Variants in ACSL5 observed in about 807,000 individuals in gnomAD.
ACSL5 encodes acyl-CoA synthetase long chain family member 5, also known as long-chain-fatty-acid--CoA ligase 5.
Under a neutral mutation model 84.9 loss-of-function variants are expected in ACSL5, and 50 were observed. The ratio of observed to expected loss-of-function variants is 0.59; its 90% CI spans 0.47 to 0.75. The LOEUF is 0.75. Ranked by LOEUF, ACSL5 falls within the 30% of genes least tolerant of loss-of-function variation. ACSL5 has a pLI of 0.00. For synonymous variants in ACSL5, 280 were observed against 300.7 expected (o/e 0.93, Z 0.71); for missense variants, 775 against 830.4 (o/e 0.93, Z 0.82).
chr10:112,383,889 G>A (rs1028364366), intron 1 of ACSL5, among the ~76,000 whole-genome samples: 2 of 151,504 alleles, frequency 1.3e-5, no homozygotes, highest in East Asian at 1.9e-4. Context: ...ACTACGCTAC[G>A]CCTCCCTAAT....
At chr10:112,412,023 G>T in intron 11 of ACSL5, 44 bp downstream of exon 11, 1 of 1,527,086 alleles carries the variant, frequency 6.5e-7, no homozygotes, top group South Asian at 1.1e-5. Context: ...AGGGGGTCCT[G>T]ACTTGCTATC....
At chr10:112,383,666 G>T (rs1849394582) in intron 1 of ACSL5, among the ~76,000 whole-genome samples, 2 of 152,222 alleles carry the variant, frequency 1.3e-5, no homozygotes, top group Admixed American at 6.5e-5. Flanking sequence ...TGTAGTTTTG[G>T]TAGCGGGAGA....
In ACSL5 at chr10:112,404,692, C is replaced by G. The variant is rs1264235949; in HGVS notation, c.331-13C>G. Reference sequence around the variant, plus strand: ...CTTCTCTCTCTCTCTCACCCCATCTCTCTTTTTTGTAGGTGTCTGATAGAG... The same window carrying G: ...CTTCTCTCTCTCTCTCACCCCATCTGTCTTTTTTGTAGGTGTCTGATAGAG... On this transcript the variant is annotated splice_polypyrimidine_tract_variant and intron_variant, in intron 4 of 20. Transcript: ENST00000354655. The G allele has an allele frequency of 1.2e-6, 2 of 1,612,314 alleles. No individual in the cohort carries two copies. Among genetic ancestry groups the G allele is most frequent in the Admixed American group, 3.3e-5 (2 of 59,954 alleles).
chr10:112,409,404 C>A, intron 6 of ACSL5, 103 bp from the exon 7 acceptor site: 3 of 968,962 alleles, frequency 3.1e-6, no homozygotes, highest in Non-Finnish European at 4.7e-6. Flanking sequence ...CTCCTTTGGA[C>A]ACCTGTTAGC....
At chr10:112,421,495 C>T in intron 14 of ACSL5, 98 bp from the exon 15 acceptor site, 1 of 1,082,666 alleles carries the variant, frequency 9.2e-7, no homozygotes, top group Admixed American at 1.8e-5. Flanking sequence ...TGGTCTCGAA[C>T]CCTTAGAGAC....
rs1184778242 is a variant in ACSL5, at chr10:112,421,664, A to G, written c.1386A>G (p.Ser462=). The G allele has an allele frequency of 3.1e-6, 5 of 1,613,334 alleles. No individual in the cohort carries two copies. The highest frequency in any genetic ancestry group is 3.4e-6 in the Non-Finnish European group (4 of 1,179,230). The change falls in exon 15 of 21, where the codon TCA becomes TCG. Residue 462 remains serine (S), a splice_region_variant and synonymous_variant. Coordinates refer to ENST00000354655, the MANE Select transcript of ACSL5 (RefSeq NM_203379.2). The part of the protein sequence containing the change: ...CTFTLPGDWT[S]GHVGVPLACN... ...TTACATTACCTGGGGACTGGACATC[A>G]GGTAAGTCCTCCATCTGCTGGGCAG...
chr10:112,390,773 A>C (rs763265446), intron 1 of ACSL5, among the ~76,000 whole-genome samples: 1 of 152,194 alleles, frequency 6.6e-6, no homozygotes, highest in Non-Finnish European at 1.5e-5. Flanking sequence ...CTACCCCATC[A>C]ATGAATCTTA....
chr10:112,378,174 A>G (rs532966140), intron 1 of ACSL5, among the ~76,000 whole-genome samples: 2 of 150,052 alleles, frequency 1.3e-5, no homozygotes, highest in Admixed American at 6.6e-5. Context: ...CCAGGGAAGT[A>G]CCAGTACACA....
At chr10:112,390,343 A>C (rs1250870240) in intron 1 of ACSL5, among the ~76,000 whole-genome samples, 1 of 152,214 alleles carries the variant, frequency 6.6e-6, no homozygotes, top group Non-Finnish European at 1.5e-5. Context: ...ACCATTTCAC[A>C]CCTACTAGAA....
At chr10:112,421,566 T>A in intron 14 of ACSL5, 27 bp from the exon 15 acceptor site, 1 of 1,607,964 alleles carries the variant, frequency 6.2e-7, no homozygotes, top group Non-Finnish European at 8.5e-7. Flanking sequence ...CTTGAGTAAG[T>A]CTAAAAGCTC....
At position 112,428,134 on chromosome 10, in the gene ACSL5, G is replaced by C. The variant is rs1450037324; in HGVS notation, c.*776G>C. The C allele has an allele frequency of 5.2e-5, 15 of 289,216 alleles. No individual in the cohort carries two copies. The highest frequency in any genetic ancestry group is 9.5e-5 in the Non-Finnish European group (15 of 157,198). The allele number at this position is 289,216 out of a possible 1,614,324, so 17.9% of individuals were successfully genotyped here. On this transcript the variant is annotated 3_prime_UTR_variant, in exon 21 of 21. Coordinates refer to ENST00000354655, the MANE Select transcript of ACSL5 (RefSeq NM_203379.2). ...TGAGCTGGAAGCTGTGGGGGAAGGAGTTGACAGGTGGGCCCAGTGAACTTT... is the reference window on the plus strand; with the variant it reads ...TGAGCTGGAAGCTGTGGGGGAAGGACTTGACAGGTGGGCCCAGTGAACTTT...
At chr10:112,425,050 A>G (rs1035378973) in intron 17 of ACSL5, 3 of 240,812 alleles carry the variant, frequency 1.2e-5, no homozygotes, top group African/African-American at 6.7e-5. Flanking sequence ...GAGCTGTGCA[A>G]TTTCTTCCTT....
intron 17 of ACSL5, among the ~76,000 whole-genome samples, chr10:112,423,478 T>C (rs1455667982): frequency 6.6e-6 from 1 of 151,504 alleles, no homozygotes; most frequent in Non-Finnish European, 1.5e-5. Context: ...ATTGCTGGTA[T>C]AAGCTACCAC....
At chr10:112,426,394 A>G in intron 19 of ACSL5, 35 bp downstream of exon 19, 1 of 1,572,194 alleles carries the variant, frequency 6.4e-7, no homozygotes, top group Non-Finnish European at 8.8e-7. Context: ...ATGCACACCC[A>G]TGGGCCCATC....
Position 112,422,308 on chromosome 10 carries a change from G to T in ACSL5, c.1477-17G>T. On this transcript the variant is annotated splice_polypyrimidine_tract_variant and intron_variant, in intron 16 of 20. Coordinates refer to ENST00000354655, the MANE Select transcript of ACSL5 (RefSeq NM_203379.2). ...CAGCCTTTGCTATTGTCACCGCCTT[G>T]TATGTCTGCTGTGCAGGTCTGCATC... is the stretch of plus-strand genomic sequence containing the variant. 6.2e-7 allele frequency: 1 copy of T among 1,606,120 alleles called. No homozygotes were observed. Among genetic ancestry groups the T allele is most frequent in the Non-Finnish European group, 8.5e-7 (1 of 1,174,440 alleles).
intron 10 of ACSL5, 96 bp downstream of exon 10, chr10:112,411,625 C>CAG: frequency 1.3e-6 from 1 of 795,108 alleles, no homozygotes; most frequent in Non-Finnish European, 1.9e-6. Flanking sequence ...CACACACACA[C>CAG]ATACACACAC....
intron 12 of ACSL5, among the ~76,000 whole-genome samples, chr10:112,416,171 T>C (rs753276857): frequency 1.4e-4 from 21 of 152,232 alleles, no homozygotes; most frequent in Middle Eastern, 3.4e-3. Context: ...GATACTTGTT[T>C]TAAAAAATCA....
chr10:112,417,157 T>C, intron 13 of ACSL5, 135 bp downstream of exon 13: 1 of 920,040 alleles, frequency 1.1e-6, no homozygotes, highest in Non-Finnish European at 1.6e-6. Flanking sequence ...CCACTGCCTT[T>C]TGAGATCTTT....
chr10:112,387,805 T>A lies in ACSL5; in HGVS notation c.-29-7113T>A, dbSNP rs531606752. Among the ~76,000 whole-genome samples, 11 of 152,252 alleles carry A rather than the reference T, an allele frequency of 7.2e-5. No homozygotes were observed. In the East Asian group the frequency reaches 1.3e-3, roughly 19 times the overall value. On this transcript the variant is annotated intron_variant, in intron 1 of 20. Transcript: ENST00000354655. ...CCATACATGCAAAAGAACACAGAAATCAATTAAATACAAATTAATGAAGGC... is the reference window on the plus strand; with the variant it reads ...CCATACATGCAAAAGAACACAGAAAACAATTAAATACAAATTAATGAAGGC...
Sources: allele counts gnomAD v4.1 joint callset (sites outside exome capture counted in the v4.1 genomes callset), GRCh38; gene constraint gnomAD v4.1.1; transcripts MANE v1.5; gene names NCBI Gene and HGNC (gene_info 2026-07-23, HGNC 2026-07-21).